The following LARGE1 variants were observed in gnomAD, a reference collection of about 807,000 sequenced individuals.
The protein encoded by LARGE1 is xylosyl- and glucuronyltransferase LARGE1.
A neutral mutation model predicts 87.6 loss-of-function variants in LARGE1; 43 were observed. The observed-to-expected ratio is 0.49, with a 90% CI of 0.38 to 0.63. The LOEUF is 0.63. Among genes scored for constraint, LARGE1 ranks in the 30% least tolerant of loss-of-function variants. The pLI, the probability that LARGE1 is intolerant of heterozygous loss-of-function variation, is 0.00. For synonymous variants in LARGE1, 434 were observed against 394.6 expected (o/e 1.10, Z -1.18); for missense variants, 802 against 1,000.2 (o/e 0.80, Z 2.67).
intron 3 of LARGE1, among the ~76,000 whole-genome samples, chr22:33,632,146 C>T (rs2080129562): frequency 6.6e-6 from 1 of 152,048 alleles, no homozygotes; most frequent in Non-Finnish European, 1.5e-5. Flanking sequence ...GTTTTGAGAC[C>T]GAGTCTCGAT....
At chr22:33,211,607 A>C (rs1924964257) in intron 11 of LARGE1, among the ~76,000 whole-genome samples, 1 of 152,000 alleles carries the variant, frequency 6.6e-6, no homozygotes, top group African/African-American at 2.4e-5. Flanking sequence ...TCCCGTCTCT[A>C]CTAAAAATAC....
intron 7 of LARGE1, among the ~76,000 whole-genome samples, chr22:33,406,911 G>C (rs1352984601): frequency 6.6e-6 from 1 of 151,994 alleles, no homozygotes; most frequent in East Asian, 1.9e-4. Flanking sequence ...TCCTGCTTCA[G>C]CCTCCCAAGG....
chr22:33,623,861 C>A (rs1441180515), intron 4 of LARGE1, among the ~76,000 whole-genome samples: 2 of 151,958 alleles, frequency 1.3e-5, no homozygotes, highest in African/African-American at 4.8e-5. Flanking sequence ...GGAACCCAGT[C>A]TCTACTAAAA....
intron 6 of LARGE1, among the ~76,000 whole-genome samples, chr22:33,457,020 T>C (rs1461206960): frequency 6.6e-6 from 1 of 152,208 alleles, no homozygotes; most frequent in African/African-American, 2.4e-5. Context: ...GTGTCAACTT[T>C]TTCCCCTGCT....
intron 11 of LARGE1, among the ~76,000 whole-genome samples, chr22:33,313,836 G>T (rs1403502690): frequency 2.0e-5 from 3 of 152,154 alleles, no homozygotes; most frequent in African/African-American, 7.2e-5. Flanking sequence ...CTGGGCAGAG[G>T]GCCCTGCTAA....
chr22:33,815,221 A>C (rs1180944457), intron 1 of LARGE1, among the ~76,000 whole-genome samples: 1 of 152,182 alleles, frequency 6.6e-6, no homozygotes, highest in Non-Finnish European at 1.5e-5. Context: ...CCAGGACAGT[A>C]GTGAGACCAA....
Position 33,854,503 on chromosome 22 carries a change from T to C in LARGE1, c.-83+65492A>G, listed in dbSNP as rs574831875. On this transcript the variant is annotated intron_variant, in intron 1 of 14. Transcript: ENST00000397394. ...AAAGTACAAGGTAAATCCCCCAGTGTTCTAATCAAGCCCCCTTACTCACTT... is the reference window on the plus strand; with the variant it reads ...AAAGTACAAGGTAAATCCCCCAGTGCTCTAATCAAGCCCCCTTACTCACTT... Among the ~76,000 whole-genome samples the C allele has an allele frequency of 7.2e-5, 11 of 152,240 alleles. 1 individual carries two copies. Among genetic ancestry groups the C allele is most frequent in the African/African-American group, 1.7e-4 (7 of 41,552 alleles).
chr22:33,403,127 A>G (rs976081267), intron 7 of LARGE1, among the ~76,000 whole-genome samples: 13 of 152,190 alleles, frequency 8.5e-5, no homozygotes, highest in African/African-American at 3.1e-4. Context: ...CAGTTATTGT[A>G]GGTGCTTTGT....
At chr22:33,899,378 G>C (rs969904131) in intron 1 of LARGE1, among the ~76,000 whole-genome samples, 1 of 152,194 alleles carries the variant, frequency 6.6e-6, no homozygotes, top group Non-Finnish European at 1.5e-5. Context: ...GAGTAGAATA[G>C]AGGATTCCTT....
At chr22:33,107,131 T>C in the LARGE1 span, among the ~76,000 whole-genome samples, 1 of 152,252 alleles carries the variant, frequency 6.6e-6, no homozygotes, top group Non-Finnish European at 1.5e-5. Context: ...CCTATTTCAA[T>C]GATACTCTCT....
At chr22:33,704,040 G>A (rs1414341657) in intron 2 of LARGE1, among the ~76,000 whole-genome samples, 2 of 152,146 alleles carry the variant, frequency 1.3e-5, no homozygotes, top group African/African-American at 4.8e-5. Context: ...CCACTAAAGC[G>A]TCTTAGCAGA....
chr22:33,122,012 G>C, the LARGE1 span, among the ~76,000 whole-genome samples: 82 of 152,236 alleles, frequency 5.4e-4, no homozygotes, highest in African/African-American at 1.9e-3. Flanking sequence ...GGAATTATGG[G>C]AGCTACAATT....
intron 9 of LARGE1, among the ~76,000 whole-genome samples, chr22:33,342,475 A>T (rs565571696): frequency 1.3e-5 from 2 of 152,326 alleles, no homozygotes; most frequent in African/African-American, 4.8e-5. Context: ...TGTATCTCAC[A>T]GCTGGTAAGT....
chr22:33,650,120 C>T lies in LARGE1; in HGVS notation c.408+247G>A, dbSNP rs9621740. Among the ~76,000 whole-genome samples the T allele has an allele frequency of 0.089, 13,592 of 152,206 alleles. 1,943 individuals are homozygous for T. Among genetic ancestry groups the T allele is most frequent in the African/African-American group, 0.3 (12,598 of 41,472 alleles). On this transcript the variant is annotated intron_variant, in intron 3 of 14. Transcript: ENST00000397394. The stretch of plus-strand genomic sequence containing the variant: ...AAGCGGTAGGTTCCATCAGTGAGCT[C>T]CTCTTAATATCTGTAGATTACGCCT...
intron 6 of LARGE1, among the ~76,000 whole-genome samples, chr22:33,457,291 CTCTTTTTTTTTTT>C (rs759522982): frequency 8.7e-6 from 1 of 114,690 alleles, no homozygotes; most frequent in Non-Finnish European, 1.7e-5. Context: ...CCACGCCTGG[CTCTTTTTTTTTTT>C]TTTTTTTTTT....
upstream of LARGE1, among the ~76,000 whole-genome samples, chr22:33,922,151 A>T (rs1006261604): frequency 2.0e-5 from 3 of 151,838 alleles, no homozygotes; most frequent in Non-Finnish European, 4.4e-5. Context: ...CGAGCGAGGC[A>T]GCGGGAAGCC....
chr22:33,852,852 T>G, intron 1 of LARGE1, among the ~76,000 whole-genome samples: 1 of 55,640 alleles, frequency 1.8e-5, no homozygotes, highest in Non-Finnish European at 3.1e-5. Flanking sequence ...CGAGACTCCG[T>G]CTCCAAAAAA....
chr22:33,387,779 C>T (rs577091950), intron 7 of LARGE1, among the ~76,000 whole-genome samples: 27 of 152,306 alleles, frequency 1.8e-4, no homozygotes, highest in Middle Eastern at 3.4e-3. Context: ...TTTTGCGTGA[C>T]TTTAATTTTT....
chr22:33,452,207 C>T (rs895698070), intron 6 of LARGE1, among the ~76,000 whole-genome samples: 7 of 152,010 alleles, frequency 4.6e-5, no homozygotes, highest in Non-Finnish European at 1.0e-4. Flanking sequence ...GGAGCTGGAC[C>T]ACAAATAAAT....
Sources: gnomAD v4.1 joint callset for allele counts (sites outside exome capture counted in the v4.1 genomes callset) on GRCh38, gnomAD v4.1.1 for gene constraint, MANE v1.5 for transcripts, NCBI Gene and HGNC (gene_info 2026-07-23, HGNC 2026-07-21) for gene names.